Variants in ABHD5 observed in about 807,000 individuals in gnomAD.
ABHD5 encodes abhydrolase domain containing 5, lysophosphatidic acid acyltransferase.
A neutral mutation model predicts 44.9 loss-of-function variants in ABHD5; 30 were observed. The observed-to-expected ratio is 0.67, with a 90% CI of 0.50 to 0.91. ABHD5 has a LOEUF of 0.91. Among genes scored for constraint, ABHD5 ranks in the 40% least tolerant of loss-of-function variants. ABHD5 has a pLI of 0.00. For missense variants in ABHD5, 399 were observed against 423.4 expected (o/e 0.94, Z 0.50); for synonymous variants, 167 against 147.0 (o/e 1.14, Z -0.99).
chr3:43,733,086 C>T (rs1697265640), intron 7 of ABHD5, among the ~76,000 whole-genome samples: 1 of 152,218 alleles, frequency 6.6e-6, no homozygotes, highest in Non-Finnish European at 1.5e-5. Flanking sequence ...GCAGTGTAAT[C>T]ATGGAAGTGA....
At chr3:43,729,829 A>C (rs1207694359) in intron 7 of ABHD5, among the ~76,000 whole-genome samples, 3 of 152,196 alleles carry the variant, frequency 2.0e-5, no homozygotes, top group African/African-American at 7.2e-5. Context: ...CAGAAATGAA[A>C]ATTAGTAAGG....
rs925117149 is a variant in ABHD5 at position 43,722,261 on chromosome 3, G to A, written c.*3729G>A. 1.8e-4 allele frequency: 27 copies of A among 152,202 alleles called. No homozygotes were observed. The highest frequency in any genetic ancestry group is 1.9e-4 in the East Asian group (1 of 5,194). 9.4% of individuals were successfully genotyped at this position (152,202 alleles called of 1,614,324 possible). Reference sequence around the variant, plus strand: ...ATACTACACAGCTGTAGAAAGGACTGCGAACTATTTTTGTAGTTCTGGTCT... The same window carrying A: ...ATACTACACAGCTGTAGAAAGGACTACGAACTATTTTTGTAGTTCTGGTCT... On this transcript the variant is annotated 3_prime_UTR_variant, in exon 7 of 7. Coordinates refer to ENST00000644371, the MANE Select transcript of ABHD5 (RefSeq NM_016006.6).
Position 43,691,051 on chromosome 3 carries a change from C to G in ABHD5, c.47+12C>G. ...GACACCGGAGAGAGGTAAGCGCAGC[C>G]GGCAGGGGGCTTCGTGTGTCTCCGG... On this transcript the variant is annotated intron_variant, in intron 1 of 6. Transcript: ENST00000644371. 1.9e-6 allele frequency: 3 copies of G among 1,546,304 alleles called. No homozygotes were observed. The highest frequency in any genetic ancestry group is 1.7e-6 in the Non-Finnish European group (2 of 1,147,518).
intron 7 of ABHD5, among the ~76,000 whole-genome samples, chr3:43,729,852 T>G (rs564036556): frequency 3.3e-5 from 5 of 152,312 alleles, no homozygotes; most frequent in Admixed American, 1.3e-4. Context: ...TAGACTCCTT[T>G]CTACTGGGTC....
Position 43,717,652 on chromosome 3 carries a change from T to G in ABHD5, c.774-19T>G. On this transcript the variant is annotated intron_variant, in intron 5 of 6. Transcript: ENST00000644371. ...ATTCCCAAAAATCATACATCGTGAT[T>G]TTCTCCTTGCCGTTAAAGTGGTGAG... 2 of 1,613,890 alleles carry G rather than the reference T, an allele frequency of 1.2e-6. No homozygotes were observed. Among genetic ancestry groups the G allele is most frequent in the Non-Finnish European group, 1.7e-6 (2 of 1,179,780 alleles).
chr3:43,724,504 C>CATCT (rs1368425004), downstream of ABHD5, among the ~76,000 whole-genome samples: 1 of 152,158 alleles, frequency 6.6e-6, no homozygotes, highest in African/African-American at 2.4e-5. Flanking sequence ...TATGCAAAGA[C>CATCT]ATCTACAAGA....
chr3:43,713,344 GA>G (rs981904501), intron 4 of ABHD5, among the ~76,000 whole-genome samples: 2 of 149,316 alleles, frequency 1.3e-5, no homozygotes, highest in African/African-American at 5.0e-5. Flanking sequence ...AAAAAAAAAG[GA>G]AAAGAAAAGA....
intron 7 of ABHD5, among the ~76,000 whole-genome samples, chr3:43,729,230 T>C (rs1222946725): frequency 6.6e-6 from 1 of 152,118 alleles, no homozygotes; most frequent in Non-Finnish European, 1.5e-5. Context: ...GGGAGCTTGA[T>C]GTGTGAGAAG....
At chr3:43,714,439 G>A (rs1008653587) in intron 4 of ABHD5, among the ~76,000 whole-genome samples, 5 of 152,134 alleles carry the variant, frequency 3.3e-5, no homozygotes, top group South Asian at 2.1e-4. Context: ...GGGTGTCCTC[G>A]GCTTTTTCTA....
At chr3:43,698,372 A>G (rs1331971737) in intron 1 of ABHD5, among the ~76,000 whole-genome samples, 1 of 151,944 alleles carries the variant, frequency 6.6e-6, no homozygotes, top group Non-Finnish European at 1.5e-5. Context: ...CTTCTAATTC[A>G]TTTCTTTTTC....
intron 1 of ABHD5, chr3:43,694,775 A>T (rs559847024): frequency 1.3e-5 from 2 of 152,252 alleles, no homozygotes; most frequent in South Asian, 4.1e-4. Flanking sequence ...GAGGGCCTGG[A>T]TTGTCATTGA....
chr3:43,693,748 C>G (rs2084432891), intron 1 of ABHD5, among the ~76,000 whole-genome samples: 1 of 87,746 alleles, frequency 1.1e-5, no homozygotes, highest in Admixed American at 1.6e-4. Flanking sequence ...TTAGTTTCTC[C>G]TCTTTTTTTT....
intron 7 of ABHD5, among the ~76,000 whole-genome samples, chr3:43,731,573 T>TTGGGA (rs2084912860): frequency 6.6e-6 from 1 of 152,218 alleles, no homozygotes; most frequent in Non-Finnish European, 1.5e-5. Flanking sequence ...GGCTCACACC[T>TTGGGA]GTAATCCCAG....
In ABHD5 at chr3:43,718,046, G is replaced by A. The variant is rs112509169; in HGVS notation, c.960+189G>A. ...CTGCACACATCTTCATGTCCAAACC[G>A]TGAACTACCTTTCTGAATGACTTTT... On this transcript the variant is annotated intron_variant, in intron 6 of 6. Coordinates refer to ENST00000644371, the MANE Select transcript of ABHD5 (RefSeq NM_016006.6). Among the ~76,000 whole-genome samples the A allele has an allele frequency of 9.0e-3, 1,363 of 152,238 alleles. 21 individuals carry two copies. Among genetic ancestry groups the A allele is most frequent in the African/African-American group, 0.029 (1,209 of 41,544 alleles).
chr3:43,723,086 G>A (rs1171773183), downstream of ABHD5, among the ~76,000 whole-genome samples: 4 of 152,122 alleles, frequency 2.6e-5, no homozygotes, highest in Non-Finnish European at 5.9e-5. Context: ...GGACCCAGGA[G>A]CTAACTTGAA....
chr3:43,691,834 G>T (rs531978894), intron 1 of ABHD5, among the ~76,000 whole-genome samples: 1 of 152,284 alleles, frequency 6.6e-6, no homozygotes, highest in East Asian at 1.9e-4. Context: ...GATTATTCTG[G>T]CTTTACTGGC....
intron 7 of ABHD5, among the ~76,000 whole-genome samples, chr3:43,732,742 T>C (rs2149614111): frequency 6.6e-6 from 1 of 152,340 alleles, no homozygotes; most frequent in Admixed American, 6.5e-5. Context: ...AATTCAGACA[T>C]GGCTGAGCTA....
Position 43,699,376 on chromosome 3 carries a change from T to C in ABHD5, c.133+15T>C. On this transcript the variant is annotated intron_variant, in intron 2 of 6. Transcript: ENST00000644371. The stretch of plus-strand genomic sequence containing the variant: ...GATGTTAAAATGTAAGGCTTTCTTC[T>C]TGTAAGTTAAATGAGCTGTGTACTA... 1 of 1,600,784 alleles carries C rather than the reference T, an allele frequency of 6.2e-7. No homozygotes were observed. Among genetic ancestry groups the C allele is most frequent in the Non-Finnish European group, 8.6e-7 (1 of 1,168,106 alleles).
At chr3:43,702,051 T>C in intron 2 of ABHD5, 164 bp from the exon 3 acceptor site, 1 of 652,076 alleles carries the variant, frequency 1.5e-6, no homozygotes, top group Non-Finnish European at 2.5e-6. Context: ...CATTTAGGAT[T>C]ATTTACTTCA....
Sources: allele counts gnomAD v4.1 joint callset (sites outside exome capture counted in the v4.1 genomes callset), GRCh38; gene constraint gnomAD v4.1.1; transcripts MANE v1.5; gene names NCBI Gene and HGNC (gene_info 2026-07-23, HGNC 2026-07-21).